Variants in AGBL4 observed in about 807,000 individuals in gnomAD.
The protein encoded by AGBL4 is cytosolic carboxypeptidase 6.
Under a neutral mutation model 66.4 loss-of-function variants are expected in AGBL4, and 58 were observed. The ratio of observed to expected loss-of-function variants is 0.87; its 90% CI spans 0.71 to 1.09. The LOEUF is 1.09. AGBL4 is among the 50% of genes least tolerant of loss of function. AGBL4 has a pLI of 0.00. For missense variants in AGBL4, 579 were observed against 631.0 expected, an observed-to-expected ratio of 0.92 and a Z score of 0.88; for synonymous variants, 234 against 222.9, an observed-to-expected ratio of 1.05 and a Z score of -0.44.
intron 6 of AGBL4, 100 bp downstream of exon 6, chr1:48,867,091 G>A (rs1570874323): frequency 7.5e-7 from 1 of 1,326,886 alleles, no homozygotes; most frequent in East Asian, 2.4e-5. Flanking sequence ...GTTCATTCAG[G>A]GAGCCAAAAG....
At chr1:50,015,185 T>A (rs185337537) in intron 1 of AGBL4, among the ~76,000 whole-genome samples, 7 of 152,296 alleles carry the variant, frequency 4.6e-5, no homozygotes, top group Admixed American at 2.6e-4. Context: ...AATTAATGTG[T>A]CCCTTATTCT....
At chr1:48,586,171 A>G (rs1644817182) in intron 11 of AGBL4, 1 of 152,246 alleles carries the variant, frequency 6.6e-6, no homozygotes. Flanking sequence ...GGGAAACTAG[A>G]GTTACTACCT....
Position 49,308,475 on chromosome 1 carries a change from A to T in AGBL4, c.283-62611T>A, listed in dbSNP as rs1644888090. Among the ~76,000 whole-genome samples, 3 of 152,068 alleles carry T rather than the reference A, an allele frequency of 2.0e-5. No individual in the cohort carries two copies. The South Asian group carries it at 6.2e-4, about 32-fold the overall frequency. On this transcript the variant is annotated intron_variant, in intron 3 of 13. Coordinates refer to ENST00000371839, the MANE Select transcript of AGBL4 (RefSeq NM_032785.4). Reference sequence around the variant, plus strand: ...AGTATGCTGTCAGGGTGACCTTAGAAGATTATTCAGTTCTCTAATGTTAAC... The same window carrying T: ...AGTATGCTGTCAGGGTGACCTTAGATGATTATTCAGTTCTCTAATGTTAAC...
At chr1:49,418,767 A>G (rs1645481567) in intron 3 of AGBL4, among the ~76,000 whole-genome samples, 1 of 152,218 alleles carries the variant, frequency 6.6e-6, no homozygotes, top group African/African-American at 2.4e-5. Context: ...GAAAGTTATG[A>G]GGTAAGTCTA....
intron 4 of AGBL4, among the ~76,000 whole-genome samples, chr1:49,203,051 T>C (rs950950425): frequency 7.4e-6 from 1 of 135,838 alleles, no homozygotes; most frequent in African/African-American, 2.7e-5. Flanking sequence ...AAAATCACAA[T>C]GAGACATCAC....
intron 3 of AGBL4, among the ~76,000 whole-genome samples, chr1:49,509,426 A>C (rs1359759111): frequency 6.6e-6 from 1 of 151,876 alleles, no homozygotes; most frequent in Non-Finnish European, 1.5e-5. Context: ...AAAGGTAAAT[A>C]ATCTTGCCAA....
At chr1:49,797,128 T>C (rs1644750924) in intron 2 of AGBL4, among the ~76,000 whole-genome samples, 1 of 152,196 alleles carries the variant, frequency 6.6e-6, no homozygotes, top group Non-Finnish European at 1.5e-5. Flanking sequence ...TTTATCAACT[T>C]TCTATTCATA....
chr1:49,345,575 G>A (rs1407293497), intron 3 of AGBL4, among the ~76,000 whole-genome samples: 4 of 152,068 alleles, frequency 2.6e-5, no homozygotes, highest in Non-Finnish European at 4.4e-5. Flanking sequence ...AATTGCCTAG[G>A]CTAATAAAAG....
chr1:49,458,361 T>G (rs1646436318), intron 3 of AGBL4, among the ~76,000 whole-genome samples: 1 of 151,846 alleles, frequency 6.6e-6, no homozygotes, highest in African/African-American at 2.4e-5. Flanking sequence ...TTGGTCACTG[T>G]TGCTGTATAG....
chr1:49,762,045 G>A (rs1324277709), intron 2 of AGBL4, among the ~76,000 whole-genome samples: 1 of 152,100 alleles, frequency 6.6e-6, no homozygotes, highest in Non-Finnish European at 1.5e-5. Context: ...TCACATGACT[G>A]CAAATGTTGC....
intron 3 of AGBL4, among the ~76,000 whole-genome samples, chr1:49,469,320 A>G (rs1646694483): frequency 1.3e-5 from 2 of 151,754 alleles, no homozygotes; most frequent in Admixed American, 6.6e-5. Flanking sequence ...CCAGTATTAT[A>G]TTTCAATCTT....
intron 2 of AGBL4, among the ~76,000 whole-genome samples, chr1:49,842,902 AG>A (rs1425724780): frequency 1.3e-5 from 2 of 152,218 alleles, no homozygotes; most frequent in African/African-American, 4.8e-5. Flanking sequence ...GCATAGTAAA[AG>A]CACTCTGACC....
chr1:49,898,891 C>A (rs1649483919), intron 1 of AGBL4, among the ~76,000 whole-genome samples: 1 of 152,098 alleles, frequency 6.6e-6, no homozygotes, highest in Non-Finnish European at 1.5e-5. Flanking sequence ...CTTACATTCT[C>A]ATTTTTTGTG....
chr1:50,015,389 G>T (rs768355629), intron 1 of AGBL4, among the ~76,000 whole-genome samples: 13 of 152,178 alleles, frequency 8.5e-5, no homozygotes, highest in Non-Finnish European at 1.8e-4. Flanking sequence ...CCAGAGTTTA[G>T]CACAATGCTT....
intron 5 of AGBL4, among the ~76,000 whole-genome samples, chr1:49,024,997 T>C (rs994155247): frequency 6.6e-6 from 1 of 152,090 alleles, no homozygotes; most frequent in Non-Finnish European, 1.5e-5. Flanking sequence ...GGGTAGAGGG[T>C]AGGGTGCTAA....
At chr1:49,390,318 T>C (rs1165022097) in intron 3 of AGBL4, among the ~76,000 whole-genome samples, 6 of 152,210 alleles carry the variant, frequency 3.9e-5, no homozygotes, top group South Asian at 2.1e-4. Context: ...CAGGAGGAAA[T>C]TGGGGCCTCA....
At chr1:49,244,497 T>G (rs1470967709) in intron 4 of AGBL4, among the ~76,000 whole-genome samples, 2 of 151,802 alleles carry the variant, frequency 1.3e-5, no homozygotes, top group African/African-American at 4.8e-5. Flanking sequence ...ATCAAATGCC[T>G]ACACTTTTAT....
chr1:49,112,781 C>CT (rs1384142366), intron 4 of AGBL4, among the ~76,000 whole-genome samples: 1 of 152,132 alleles, frequency 6.6e-6, no homozygotes, highest in Non-Finnish European at 1.5e-5. Flanking sequence ...CATCTTCAGG[C>CT]TCCACTTCTA....
intron 11 of AGBL4, among the ~76,000 whole-genome samples, chr1:48,559,219 A>G (rs1051495082): frequency 6.6e-6 from 1 of 152,224 alleles, no homozygotes; most frequent in African/African-American, 2.4e-5. Context: ...CACACAGTAT[A>G]ATCAGCAGCA....
Sources: allele counts gnomAD v4.1 joint callset (sites outside exome capture counted in the v4.1 genomes callset), GRCh38; gene constraint gnomAD v4.1.1; transcripts MANE v1.5; gene names NCBI Gene and HGNC (gene_info 2026-07-23, HGNC 2026-07-21).